The following NHSL1 variants were observed in gnomAD, a reference collection of about 807,000 sequenced individuals.
NHSL1 encodes the protein NHS like 1, also known as NHS-like protein 1.
Under a neutral mutation model 95.0 loss-of-function variants are expected in NHSL1, and 48 were observed. The observed-to-expected ratio is 0.51, with a 90% CI of 0.40 to 0.64. The LOEUF (loss-of-function observed/expected upper bound fraction) is 0.64. NHSL1 is among the 30% of genes least tolerant of loss of function. The pLI is 0.00. For missense variants in NHSL1, 1,971 were observed against 2,077.7 expected (o/e 0.95, Z 1.00); for synonymous variants, 783 against 833.9 (o/e 0.94, Z 1.05).
intron 1 of NHSL1, among the ~76,000 whole-genome samples, chr6:138,594,731 G>A (rs974713670): frequency 1.3e-5 from 2 of 151,928 alleles, no homozygotes; most frequent in African/African-American, 4.8e-5. Context: ...ACAAGGAAAG[G>A]GCTACATAGC....
intron 1 of NHSL1, among the ~76,000 whole-genome samples, chr6:138,648,716 G>A (rs1339196029): frequency 6.6e-6 from 1 of 152,304 alleles, no homozygotes; most frequent in Non-Finnish European, 1.5e-5. Flanking sequence ...AATACTGAAA[G>A]CAGTCGTTTT....
chr6:138,603,513 A>G (rs1784396527), intron 1 of NHSL1, among the ~76,000 whole-genome samples: 1 of 152,170 alleles, frequency 6.6e-6, no homozygotes, highest in Non-Finnish European at 1.5e-5. Context: ...ATTCCTGAAC[A>G]CCTACAGGCT....
chr6:138,519,532 G>T (rs1781589938), intron 1 of NHSL1, among the ~76,000 whole-genome samples: 1 of 152,060 alleles, frequency 6.6e-6, no homozygotes, highest in South Asian at 2.1e-4. Flanking sequence ...TAATATGCAA[G>T]GCTGGAATGA....
In NHSL1 at chr6:138,473,410, C is replaced by T. The variant is rs962421564; in HGVS notation, c.235G>A (p.Gly79Ser). 1.5e-5 allele frequency: 23 copies of T among 1,519,086 alleles called. No individual in the cohort carries two copies. The highest frequency in any genetic ancestry group is 2.0e-5 in the Non-Finnish European group (23 of 1,131,292). The allele number at this position is 1,519,086 out of a possible 1,614,324, so 94.1% of individuals were successfully genotyped here. A position where few individuals can be genotyped will look rare whatever the true frequency, so the allele number is the denominator to read the frequency against. The change falls in exon 3 of 8, where the codon GGC (glycine) becomes AGC (serine). Residue 79 changes from glycine to serine, a missense_variant. By Grantham distance (56) the Gly-to-Ser change is moderately conservative. Around this residue, in one of 3 missense-constraint regions of NHSL1, gnomAD observed 1,602 missense variants for 1,654.5 expected, o/e 0.97. Transcript: ENST00000343505. ...LRECDKLRHD[G>S]YRSSQYYSQG... ...GAGTAGTACTGAGAACTGCGGTAGCCATCATGCCGCAACTTATCGCATTCT... is the reference window on the plus strand; with the variant it reads ...GAGTAGTACTGAGAACTGCGGTAGCTATCATGCCGCAACTTATCGCATTCT...
At chr6:138,506,880 A>G (rs1055370095) in intron 1 of NHSL1, among the ~76,000 whole-genome samples, 5 of 152,216 alleles carry the variant, frequency 3.3e-5, no homozygotes, top group African/African-American at 1.2e-4. Context: ...ATTAATCAAG[A>G]CAAATTGAGT....
At chr6:138,591,223 A>T (rs1424029744) in intron 1 of NHSL1, among the ~76,000 whole-genome samples, 1 of 152,228 alleles carries the variant, frequency 6.6e-6, no homozygotes, top group Non-Finnish European at 1.5e-5. Flanking sequence ...CTGGTGCTAA[A>T]TATTACACTG....
At chr6:138,686,349 T>C in intron 1 of NHSL1, among the ~76,000 whole-genome samples, 1 of 152,084 alleles carries the variant, frequency 6.6e-6, no homozygotes, top group East Asian at 1.9e-4. Context: ...AGTAAAACCC[T>C]GTCTCTATTA....
chr6:138,622,641 T>C (rs1784681226), intron 1 of NHSL1, among the ~76,000 whole-genome samples: 1 of 152,200 alleles, frequency 6.6e-6, no homozygotes, highest in Non-Finnish European at 1.5e-5. Context: ...AATCTAATTA[T>C]GTGTACCTGA....
At chr6:138,617,541 T>C (rs1020298195) in intron 1 of NHSL1, among the ~76,000 whole-genome samples, 3 of 152,222 alleles carry the variant, frequency 2.0e-5, no homozygotes, top group African/African-American at 4.8e-5. Context: ...AGTATTTGTA[T>C]ATAGAGCAAA....
chr6:138,447,293 A>G, intron 3 of NHSL1, 100 bp from the exon 4 acceptor site: 1 of 967,586 alleles, frequency 1.0e-6, no homozygotes, highest in Non-Finnish European at 1.5e-6. Flanking sequence ...CTGGTTTAAA[A>G]GAAGCCAAAA....
intron 5 of NHSL1, chr6:138,435,330 A>C (rs1195392961): frequency 6.5e-6 from 1 of 153,580 alleles, no homozygotes; most frequent in Non-Finnish European, 1.5e-5. Context: ...AAATTGTACT[A>C]GTTTTTGCAT....
At position 138,430,950 on chromosome 6, in the gene NHSL1, G is replaced by A; in HGVS notation, c.3395C>T (p.Ala1132Val). 1.3e-6 allele frequency: 2 copies of A among 1,551,720 alleles called. No individual in the cohort carries two copies. The highest frequency in any genetic ancestry group is 2.0e-5 in the Admixed American group (1 of 51,010). ...TNEMESESQP[A>V]SVTSSLPTPA... ...CGTCGGAAGCGAGCTTGTCACAGAG[G>A]CAGGCTGGCTTTCACTCTCCATTTC... The change falls in exon 6 of 8, where the codon GCC (alanine) becomes GTC (valine). Residue 1132 changes from alanine (A) to valine (V), a missense_variant. Ala to Val is a moderately conservative substitution (Grantham distance 64). Around this residue, in one of 3 missense-constraint regions of NHSL1, gnomAD observed 1,602 missense variants for 1,654.5 expected, o/e 0.97. Transcript: ENST00000343505. This position sits in a 1 kb window ranked among gnomAD's most constrained non-coding sequence, Gnocchi z 4.7.
chr6:138,612,924 T>G (rs1375455351), intron 1 of NHSL1, among the ~76,000 whole-genome samples: 1 of 152,184 alleles, frequency 6.6e-6, no homozygotes, highest in African/African-American at 2.4e-5. Context: ...GATACCACTT[T>G]TAGTCTTAGT....
chr6:138,510,359 G>C (rs747612094), intron 1 of NHSL1, among the ~76,000 whole-genome samples: 2 of 152,206 alleles, frequency 1.3e-5, no homozygotes, highest in Non-Finnish European at 2.9e-5. Context: ...GCTGATGAAC[G>C]AACAGCAAGA....
intron 1 of NHSL1, among the ~76,000 whole-genome samples, chr6:138,505,751 C>T (rs1239308634): frequency 6.6e-6 from 1 of 151,094 alleles, no homozygotes; most frequent in African/African-American, 2.4e-5. Flanking sequence ...AAAAGTCAGA[C>T]ATAATAGAGT....
chr6:138,684,247 G>A (rs978104189), intron 1 of NHSL1, among the ~76,000 whole-genome samples: 1 of 151,582 alleles, frequency 6.6e-6, no homozygotes, highest in Non-Finnish European at 1.5e-5. Flanking sequence ...AAGACAGTCT[G>A]ACATCAGAAA....
chr6:138,603,342 T>G (rs891873338), intron 1 of NHSL1, among the ~76,000 whole-genome samples: 7 of 152,154 alleles, frequency 4.6e-5, no homozygotes, highest in Admixed American at 3.9e-4. Context: ...GAGCCAACTG[T>G]GTCAGCCTGG....
chr6:138,552,602 A>G (rs566300853), intron 1 of NHSL1, among the ~76,000 whole-genome samples: 20 of 151,668 alleles, frequency 1.3e-4, no homozygotes, highest in Admixed American at 1.2e-3. Flanking sequence ...CTCTCCTAAC[A>G]CTCAAAGTGT....
At chr6:138,531,425 T>C (rs1235536674) in intron 1 of NHSL1, among the ~76,000 whole-genome samples, 1 of 152,186 alleles carries the variant, frequency 6.6e-6, no homozygotes, top group Non-Finnish European at 1.5e-5. Context: ...GTTTGTAACT[T>C]TTGTAACTTC....
Sources: gnomAD v4.1 joint callset for allele counts (sites outside exome capture counted in the v4.1 genomes callset) on GRCh38, gnomAD v4.1.1 for gene constraint, gnomAD v4.1.1 regional missense constraint, Gnocchi (gnomAD v3.1) non-coding constraint, MANE v1.5 for transcripts, NCBI Gene and HGNC (gene_info 2026-07-23, HGNC 2026-07-21) for gene names.